CMPK1: variants seen among roughly 807,000 people sequenced by gnomAD.
CMPK1 encodes the protein cytidine/uridine monophosphate kinase 1.
Under a neutral mutation model 25.7 loss-of-function variants are expected in CMPK1, and 10 were observed. The ratio of observed to expected loss-of-function variants is 0.39; its 90% CI spans 0.24 to 0.66. The LOEUF (loss-of-function observed/expected upper bound fraction) is 0.66. Among genes scored for constraint, CMPK1 ranks in the 30% least tolerant of loss-of-function variants. The pLI is 0.48. For missense variants in CMPK1, 199 were observed against 280.5 expected, an observed-to-expected ratio of 0.71 and a Z score of 2.08; for synonymous variants, 106 against 101.5, an observed-to-expected ratio of 1.04 and a Z score of -0.27.
At chr1:47,349,466 G>A (rs144910572) in intron 1 of CMPK1, among the ~76,000 whole-genome samples, 1 of 152,294 alleles carries the variant, frequency 6.6e-6, no homozygotes, top group Admixed American at 6.5e-5. Context: ...TTCTGTGTTA[G>A]ATAGCATATA....
intron 1 of CMPK1, among the ~76,000 whole-genome samples, chr1:47,340,304 CAAA>C (rs749595776): frequency 2.4e-5 from 3 of 123,690 alleles, no homozygotes; most frequent in Non-Finnish European, 3.5e-5. Context: ...GACTCCGTCT[CAAA>C]AAAAAAAAAA....
At chr1:47,360,067 A>G (rs1646591151) in intron 1 of CMPK1, among the ~76,000 whole-genome samples, 1 of 152,214 alleles carries the variant, frequency 6.6e-6, no homozygotes, top group Non-Finnish European at 1.5e-5. Context: ...CTACAGTGAC[A>G]ATAAGAATTT....
At chr1:47,335,832 C>T (rs1646394491) in intron 1 of CMPK1, among the ~76,000 whole-genome samples, 1 of 151,584 alleles carries the variant, frequency 6.6e-6, no homozygotes, top group Non-Finnish European at 1.5e-5. Context: ...GGTGCGATCT[C>T]AGCACACTGC....
chr1:47,366,124 G>A (rs1443397740), intron 1 of CMPK1, among the ~76,000 whole-genome samples: 2 of 152,182 alleles, frequency 1.3e-5, no homozygotes, highest in African/African-American at 4.8e-5. Flanking sequence ...AACCTGGGAA[G>A]CAGAGGTTGC....
intron 1 of CMPK1, among the ~76,000 whole-genome samples, chr1:47,338,823 G>C (rs1646419180): frequency 6.6e-6 from 1 of 151,718 alleles, no homozygotes; most frequent in Admixed American, 6.6e-5. Context: ...TGTCATTCTT[G>C]AATTTTTAAA....
chr1:47,373,008 T>C lies in CMPK1; in HGVS notation c.372T>C (p.Asp124=). 1.9e-6 allele frequency: 3 copies of C among 1,613,606 alleles called. No individual in the cohort carries two copies. The highest frequency in any genetic ancestry group is 2.5e-6 in the Non-Finnish European group (3 of 1,179,806). The change falls in exon 3 of 6, where the codon GAT becomes GAC. Residue 124 remains aspartate, a synonymous_variant. Transcript: ENST00000371873. The stretch of plus-strand genomic sequence containing the variant: ...CTCAGAAGAATAAATTCTTGATTGA[T>C]GGGTTTCCAAGAAATCAAGACAACC... ...ANAQKNKFLI[D]GFPRNQDNLQ... is the part of the protein sequence containing the mutation.
chr1:47,374,214 G>A (rs1023825128), intron 3 of CMPK1, among the ~76,000 whole-genome samples: 1 of 152,132 alleles, frequency 6.6e-6, no homozygotes. Flanking sequence ...TGTGCACCAT[G>A]CCTAGTTAAT....
chr1:47,339,708 T>TTC (rs1200587172), intron 1 of CMPK1, among the ~76,000 whole-genome samples: 2 of 76,868 alleles, frequency 2.6e-5, no homozygotes, highest in East Asian at 2.2e-4. Context: ...TTCCTTTTTT[T>TTC]TTTTTTTTTT....
chr1:47,359,714 A>G (rs1025148190), intron 1 of CMPK1, among the ~76,000 whole-genome samples: 3 of 151,650 alleles, frequency 2.0e-5, no homozygotes, highest in Non-Finnish European at 4.4e-5. Context: ...ATAAGGAGAA[A>G]TAGGAGAGGC....
At chr1:47,363,720 G>A (rs1010004619) in intron 1 of CMPK1, among the ~76,000 whole-genome samples, 5 of 151,816 alleles carry the variant, frequency 3.3e-5, no homozygotes, top group Non-Finnish European at 5.9e-5. Context: ...CGAGGCTGAC[G>A]GATCATGAGA....
intron 1 of CMPK1, among the ~76,000 whole-genome samples, chr1:47,349,083 G>C (rs999131098): frequency 2.0e-5 from 3 of 152,192 alleles, no homozygotes; most frequent in South Asian, 4.1e-4. Flanking sequence ...GAATCAGGCT[G>C]AATCAAGGTG....
At chr1:47,363,798 C>T (rs1646619860) in intron 1 of CMPK1, among the ~76,000 whole-genome samples, 1 of 150,810 alleles carries the variant, frequency 6.6e-6, no homozygotes, top group Non-Finnish European at 1.5e-5. Context: ...CAAATATTAG[C>T]CAGGTGTGGT....
intron 1 of CMPK1, among the ~76,000 whole-genome samples, chr1:47,365,656 A>G (rs1646635213): frequency 2.1e-5 from 3 of 144,592 alleles, no homozygotes; most frequent in Admixed American, 7.1e-5. Flanking sequence ...AAAAAGTGAG[A>G]GAAATTGAAC....
At chr1:47,350,229 A>G (rs376954273) in intron 1 of CMPK1, among the ~76,000 whole-genome samples, 1 of 151,254 alleles carries the variant, frequency 6.6e-6, no homozygotes, top group African/African-American at 2.4e-5. Context: ...GTGAGCCACC[A>G]TGCTCCACCT....
intron 1 of CMPK1, among the ~76,000 whole-genome samples, chr1:47,359,386 C>CTTTTTTT (rs71053107): frequency 2.9e-5 from 3 of 102,758 alleles, no homozygotes; most frequent in Non-Finnish European, 5.4e-5. Flanking sequence ...AACCTTTTTT[C>CTTTTTTT]TTTTTTTTTT....
intron 3 of CMPK1, among the ~76,000 whole-genome samples, chr1:47,373,722 G>T (rs902204734): frequency 6.6e-6 from 1 of 151,946 alleles, no homozygotes; most frequent in Non-Finnish European, 1.5e-5. Flanking sequence ...CTTGAACCTG[G>T]GAGGCAGAGG....
Position 47,352,857 on chromosome 1 carries a change from C to T in CMPK1, c.172-15612C>T, listed in dbSNP as rs78663709. Among the ~76,000 whole-genome samples the T allele has an allele frequency of 5.2e-3, 795 of 152,016 alleles. 2 individuals carry two copies. Among genetic ancestry groups the T allele is most frequent in the East Asian group, 0.031 (159 of 5,178 alleles). ...CCCATGCTGGGCTGTGGTTTGATTG[C>T]GATATTGTTTAAAAATGTATTATCA... On this transcript the variant is annotated intron_variant, in intron 1 of 5. Transcript: ENST00000371873.
chr1:47,355,896 C>T (rs905633159), intron 1 of CMPK1, among the ~76,000 whole-genome samples: 2 of 152,078 alleles, frequency 1.3e-5, no homozygotes, highest in Admixed American at 6.6e-5. Flanking sequence ...TGAGCCACCG[C>T]GCCCAGCCAG....
chr1:47,334,420 G>A (rs745366019), intron 1 of CMPK1, among the ~76,000 whole-genome samples: 81 of 152,330 alleles, frequency 5.3e-4, no homozygotes, highest in Middle Eastern at 6.8e-3. Flanking sequence ...GATCCCGGAG[G>A]CCAACCTTTG....
Sources: gnomAD v4.1 joint callset for allele counts (sites outside exome capture counted in the v4.1 genomes callset) on GRCh38, gnomAD v4.1.1 for gene constraint, MANE v1.5 for transcripts, NCBI Gene and HGNC (gene_info 2026-07-23, HGNC 2026-07-21) for gene names.